The following MLPH variants were observed in gnomAD, a reference collection of about 807,000 sequenced individuals.
The protein encoded by MLPH is exophilin-3.
MLPH carries 51 observed loss-of-function variants against 72.1 expected under a neutral mutation model. The observed-to-expected ratio is 0.71, with a 90% CI of 0.56 to 0.89. MLPH has a LOEUF of 0.89. Ranked by LOEUF, MLPH falls within the 40% of genes least tolerant of loss-of-function variation. The pLI, the probability that MLPH is intolerant of heterozygous loss-of-function variation, is 0.00. For missense variants in MLPH, 743 were observed against 759.9 expected, an observed-to-expected ratio of 0.98 and a Z score of 0.26; for synonymous variants, 301 against 310.1, an observed-to-expected ratio of 0.97 and a Z score of 0.31.
chr2:237,489,561 C>T (rs1249514279), intron 1 of MLPH, among the ~76,000 whole-genome samples: 1 of 152,216 alleles, frequency 6.6e-6, no homozygotes, highest in Admixed American at 6.5e-5. Context: ...GAAACAGCCA[C>T]AAAGGATTAA....
In MLPH at chr2:237,553,907, A is replaced by G. The variant is rs1412019031; in HGVS notation, c.*315A>G. ...TGAAGGACACACCGAAGACCTTTAT[A>G]CTGTGATCTTTTACCCCTTTCACTC... On this transcript the variant is annotated 3_prime_UTR_variant, in exon 16 of 16. Coordinates refer to ENST00000264605, the MANE Select transcript of MLPH (RefSeq NM_024101.7). 1.9e-6 allele frequency: 1 copy of G among 518,680 alleles called. No individual in the cohort carries two copies. The highest frequency in any genetic ancestry group is 3.6e-6 in the Non-Finnish European group (1 of 279,666). 32.1% of individuals were successfully genotyped at this position (518,680 alleles called of 1,614,324 possible). A position where few individuals can be genotyped will look rare whatever the true frequency, so the allele number is the denominator to read the frequency against.
chr2:237,497,788 C>T (rs1292953341), intron 2 of MLPH, among the ~76,000 whole-genome samples: 1 of 152,210 alleles, frequency 6.6e-6, no homozygotes, highest in Non-Finnish European at 1.5e-5. Context: ...CTGTGTGCTG[C>T]CGCCACAGAA....
intron 2 of MLPH, among the ~76,000 whole-genome samples, chr2:237,507,763 A>G (rs1267746120): frequency 1.3e-5 from 2 of 152,228 alleles, no homozygotes; most frequent in African/African-American, 2.4e-5. Flanking sequence ...CTGGCAATAA[A>G]TACTGTCACT....
intron 2 of MLPH, among the ~76,000 whole-genome samples, chr2:237,495,668 T>A (rs1055410246): frequency 3.9e-5 from 6 of 152,016 alleles, no homozygotes; most frequent in African/African-American, 1.4e-4. Context: ...CACCGTGTGA[T>A]CCCCCACTCT....
intron 7 of MLPH, among the ~76,000 whole-genome samples, chr2:237,526,997 C>T (rs2080318600): frequency 6.6e-6 from 1 of 152,172 alleles, no homozygotes; most frequent in Non-Finnish European, 1.5e-5. Context: ...GATGGCTGAA[C>T]CTGTTGACTA....
At chr2:237,528,740 A>G (rs2080358157) in intron 8 of MLPH, among the ~76,000 whole-genome samples, 1 of 152,150 alleles carries the variant, frequency 6.6e-6, no homozygotes, top group Admixed American at 6.5e-5. Context: ...TCCCATACCC[A>G]TGAAGCAGTT....
chr2:237,528,348 A>AT (rs1353894525), intron 8 of MLPH, among the ~76,000 whole-genome samples: 3 of 148,004 alleles, frequency 2.0e-5, no homozygotes, highest in South Asian at 2.1e-4. Flanking sequence ...CAAAAAATTT[A>AT]TTTTTTTTTA....
intron 8 of MLPH, among the ~76,000 whole-genome samples, chr2:237,528,419 C>T (rs916001254): frequency 2.4e-4 from 36 of 151,608 alleles, no homozygotes; most frequent in African/African-American, 7.3e-4. Flanking sequence ...GGCGCAATCT[C>T]GGCTCACTGC....
chr2:237,491,871 A>G (rs140288292), intron 1 of MLPH, among the ~76,000 whole-genome samples: 344 of 152,252 alleles, frequency 2.3e-3, no homozygotes, highest in Non-Finnish European at 3.9e-3. Flanking sequence ...CCTGCCTCAC[A>G]CCCATCAACC....
rs957950495 is a variant in MLPH at position 237,512,657 on chromosome 2, G to T, written c.445+1556G>T. ...ACGGCCAGCCTGGAGCCCACAGAAG[G>T]GTCCTCCTGCAGCCAGTGGAGCTTG... On this transcript the variant is annotated intron_variant, in intron 4 of 15. Coordinates refer to ENST00000264605, the MANE Select transcript of MLPH (RefSeq NM_024101.7). The surrounding 1 kb of genome is among the most constrained non-coding windows in gnomAD (Gnocchi z 5.5). Among the ~76,000 whole-genome samples, 3 of 152,050 alleles carry T rather than the reference G, an allele frequency of 2.0e-5. No individual in the cohort carries two copies. Among genetic ancestry groups the T allele is most frequent in the South Asian group, 2.1e-4 (1 of 4,808 alleles).
In MLPH at chr2:237,512,625, C is replaced by A. The variant is rs977806799; in HGVS notation, c.445+1524C>A. On this transcript the variant is annotated intron_variant, in intron 4 of 15. Coordinates refer to ENST00000264605, the MANE Select transcript of MLPH (RefSeq NM_024101.7). This position sits in a 1 kb window ranked among gnomAD's most constrained non-coding sequence, Gnocchi z 5.5. ...CCTAGCAGCAAATCCCACCTCCCCA[C>A]ACGCACACGGCCAGCCTGGAGCCCA... Among the ~76,000 whole-genome samples the A allele has an allele frequency of 4.6e-5, 7 of 152,168 alleles. No homozygotes were observed. The highest frequency in any genetic ancestry group is 1.7e-4 in the African/African-American group (7 of 41,434).
intron 9 of MLPH, among the ~76,000 whole-genome samples, chr2:237,538,438 G>A (rs767654054): frequency 1.9e-4 from 29 of 152,324 alleles, no homozygotes; most frequent in Non-Finnish European, 2.8e-4. Flanking sequence ...ACAAGGTCAC[G>A]GGAGGGTGAG....
At chr2:237,498,061 G>A (rs1043238179) in intron 2 of MLPH, among the ~76,000 whole-genome samples, 1 of 152,182 alleles carries the variant, frequency 6.6e-6, no homozygotes, top group African/African-American at 2.4e-5. Flanking sequence ...GGAGAGAGGA[G>A]AGAACAGGGG....
At chr2:237,525,877 C>T in intron 7 of MLPH, 72 bp downstream of exon 7, 1 of 1,407,546 alleles carries the variant, frequency 7.1e-7, no homozygotes, top group South Asian at 1.2e-5. Context: ...AACAACCCCA[C>T]CACCCTGACC....
At chr2:237,516,699 G>T (rs2080025283) in intron 4 of MLPH, among the ~76,000 whole-genome samples, 2 of 152,088 alleles carry the variant, frequency 1.3e-5, no homozygotes, top group Non-Finnish European at 2.9e-5. Flanking sequence ...GTGATGTTTG[G>T]ATAGGTATAC....
chr2:237,499,427 G>C (rs192649447), intron 2 of MLPH, among the ~76,000 whole-genome samples: 2 of 152,224 alleles, frequency 1.3e-5, no homozygotes, highest in Admixed American at 6.5e-5. Flanking sequence ...CACCATATCA[G>C]ATCTTTGCAG....
chr2:237,498,481 G>A (rs59145502), intron 2 of MLPH, among the ~76,000 whole-genome samples: 27,594 of 152,126 alleles, frequency 0.18, 3,705 homozygotes, highest in African/African-American at 0.36. Context: ...GCTGGAGGAA[G>A]GAGGGCATGT....
intron 2 of MLPH, among the ~76,000 whole-genome samples, chr2:237,506,321 G>T (rs2079770534): frequency 6.6e-6 from 1 of 152,218 alleles, no homozygotes; most frequent in Non-Finnish European, 1.5e-5. Context: ...TGAGTAAGGT[G>T]AGTGGTGTTG....
At chr2:237,530,395 TTC>T (rs1207628336) in intron 8 of MLPH, among the ~76,000 whole-genome samples, 3 of 152,184 alleles carry the variant, frequency 2.0e-5, no homozygotes, top group Non-Finnish European at 2.9e-5. Flanking sequence ...GCACCTGAAT[TTC>T]AAAAAGAGAC....
Sources: gnomAD v4.1 joint callset for allele counts (sites outside exome capture counted in the v4.1 genomes callset) on GRCh38, gnomAD v4.1.1 for gene constraint, Gnocchi (gnomAD v3.1) non-coding constraint, MANE v1.5 for transcripts, NCBI Gene and HGNC (gene_info 2026-07-23, HGNC 2026-07-21) for gene names.